PLEKHG4B: variants seen among roughly 807,000 people sequenced by gnomAD.
The protein encoded by PLEKHG4B is pleckstrin homology domain-containing family G member 4B.
PLEKHG4B carries 111 observed loss-of-function variants against 121.3 expected under a neutral mutation model. The ratio of observed to expected loss-of-function variants is 0.92; its 90% CI spans 0.78 to 1.07. The LOEUF (loss-of-function observed/expected upper bound fraction) is 1.07, where lower values mean the gene tolerates loss of function less well. Among genes scored for constraint, PLEKHG4B ranks in the 50% least tolerant of loss-of-function variants. The pLI, the probability that PLEKHG4B is intolerant of heterozygous loss-of-function variation, is 0.00. For synonymous variants in PLEKHG4B, 738 were observed against 725.0 expected (o/e 1.02, Z -0.29); for missense variants, 1,831 against 1,757.8 (o/e 1.04, Z -0.74).
At position 139,340 on chromosome 5, in the gene PLEKHG4B, A is replaced by G. The variant is rs6554683; in HGVS notation, c.244-143A>G. On this transcript the variant is annotated intron_variant, in intron 2 of 19. Coordinates refer to ENST00000637938, the MANE Select transcript of PLEKHG4B (RefSeq NM_052909.5). The surrounding 1 kb of genome is among the most constrained non-coding windows in gnomAD (Gnocchi z 5.0). ...TAATGACCTGCTTTATGTTCCAAGG[A>G]ACAGGACACCCCAGCCCCCGTGAGA... is the stretch of plus-strand genomic sequence containing the variant. 0.18 allele frequency: 70,364 copies of G among 397,870 alleles called. 11,124 individuals are homozygous for G. The highest frequency in any genetic ancestry group is 0.58 in the African/African-American group (28,049 of 48,664). The allele number at this position is 397,870 out of a possible 1,614,324, so 24.6% of individuals were successfully genotyped here. A position where few individuals can be genotyped will look rare whatever the true frequency, so the allele number is the denominator to read the frequency against.
intron 6 of PLEKHG4B, among the ~76,000 whole-genome samples, chr5:150,020 A>C (rs1391812795): frequency 6.6e-6 from 1 of 152,228 alleles, no homozygotes; most frequent in Admixed American, 6.5e-5. Context: ...GTCTGGGTAT[A>C]TACCCAAGAA....
At chr5:111,482 C>T (rs867644319) in intron 1 of PLEKHG4B, among the ~76,000 whole-genome samples, 26 of 152,290 alleles carry the variant, frequency 1.7e-4, no homozygotes, top group African/African-American at 5.8e-4. Flanking sequence ...GCGGTTGAGA[C>T]GGTGGCCCTG....
chr5:110,585 TCC>T (rs1734125673), intron 1 of PLEKHG4B, among the ~76,000 whole-genome samples: 1 of 90,808 alleles, frequency 1.1e-5, no homozygotes. Context: ...CGCGCACACA[TCC>T]ACACAATCTG....
rs1318116253 is a variant in PLEKHG4B, at chr5:155,076, G to A, written c.2109+85G>A. 4.2e-6 allele frequency: 5 copies of A among 1,183,082 alleles called. No individual in the cohort carries two copies. In the African/African-American group the frequency reaches 4.5e-5, roughly 11 times the overall value. The allele number at this position is 1,183,082 out of a possible 1,614,324, so 73.3% of individuals were successfully genotyped here. Reference sequence around the variant, plus strand: ...GTTGTTTTTACTAGAATTTGAAAAGGGCATCACCGTCCCTGATCTGATGCT... The same window carrying A: ...GTTGTTTTTACTAGAATTTGAAAAGAGCATCACCGTCCCTGATCTGATGCT... On this transcript the variant is annotated intron_variant, in intron 8 of 19. Coordinates refer to ENST00000637938, the MANE Select transcript of PLEKHG4B (RefSeq NM_052909.5).
rs914325270 is a variant in PLEKHG4B at position 161,882 on chromosome 5, C to G, written c.2587C>G (p.Gln863Glu). The G allele has an allele frequency of 7.4e-6, 12 of 1,613,638 alleles. No individual in the cohort carries two copies. In the South Asian group the frequency reaches 1.1e-4, roughly 15 times the overall value. ...FRRGLSAVVS[Q>E]AECREGELAR... Reference sequence around the variant, plus strand: ...AAGGGGCCTGAGCGCCGTGGTCAGCCAGGCTGAGTGCAGGGAGGGAGAGCT... The same window carrying G: ...AAGGGGCCTGAGCGCCGTGGTCAGCGAGGCTGAGTGCAGGGAGGGAGAGCT... Residue 863 changes from glutamine (Q) to glutamate (E), a missense_variant, in exon 12 of 20, where the codon CAG becomes GAG. By Grantham distance (29) the Gln-to-Glu change is conservative. Transcript: ENST00000637938.
chr5:102,616 C>G (rs1405651119), intron 1 of PLEKHG4B, among the ~76,000 whole-genome samples: 1 of 152,182 alleles, frequency 6.6e-6, no homozygotes, highest in African/African-American at 2.4e-5. Context: ...TTCCATGAGT[C>G]AAAGCTCCCT....
intron 1 of PLEKHG4B, among the ~76,000 whole-genome samples, chr5:98,402 C>T (rs1733689423): frequency 1.6e-5 from 2 of 128,610 alleles, no homozygotes; most frequent in South Asian, 2.9e-4. Context: ...CTTCTTTTGT[C>T]AGTACCACAT....
chr5:100,450 G>C (rs1733772859), intron 1 of PLEKHG4B, among the ~76,000 whole-genome samples: 1 of 116,924 alleles, frequency 8.6e-6, no homozygotes, highest in African/African-American at 3.8e-5. Context: ...CCTGGAAAAA[G>C]CCTGTAGGGG....
chr5:119,590 C>T (rs1435613914), intron 2 of PLEKHG4B, among the ~76,000 whole-genome samples: 2 of 152,170 alleles, frequency 1.3e-5, no homozygotes, highest in Non-Finnish European at 2.9e-5. Context: ...TACACAATTG[C>T]ATCGTCCTTC....
intron 16 of PLEKHG4B, among the ~76,000 whole-genome samples, chr5:172,613 T>C (rs1473314478): frequency 6.6e-6 from 1 of 152,218 alleles, no homozygotes; most frequent in Non-Finnish European, 1.5e-5. Context: ...GCTCACCCCC[T>C]GAGCAGGGCT....
intron 1 of PLEKHG4B, among the ~76,000 whole-genome samples, chr5:104,639 A>C (rs1352070839): frequency 6.6e-6 from 1 of 152,202 alleles, no homozygotes; most frequent in Non-Finnish European, 1.5e-5. Flanking sequence ...CGTACAGTAT[A>C]CAAGGTAATT....
chr5:159,798 G>C lies in PLEKHG4B; in HGVS notation c.2488-1985G>C, dbSNP rs979124560. Among the ~76,000 whole-genome samples the C allele has an allele frequency of 3.9e-5, 6 of 152,148 alleles. No homozygotes were observed. The highest frequency in any genetic ancestry group is 1.2e-4 in the African/African-American group (5 of 41,444). ...TGCCAGGGAACAGACCCTGGGCCCT[G>C]TGGAGCAGGGTGCCCAGCTCCTTCC... On this transcript the variant is annotated intron_variant, in intron 11 of 19. Transcript: ENST00000637938. The surrounding 1 kb of genome is among the most constrained non-coding windows in gnomAD (Gnocchi z 5.5).
In PLEKHG4B at chr5:140,665, G is replaced by A. The variant is rs1238705726; in HGVS notation, c.1426G>A (p.Gly476Arg). The A allele has an allele frequency of 1.6e-5, 25 of 1,605,808 alleles. No homozygotes were observed. Among genetic ancestry groups the A allele is most frequent in the Non-Finnish European group, 2.0e-5 (23 of 1,176,190 alleles). ...PGGHLGGQAV[G>R]TPNCVPVEGP... ...GGGCCACCTAGGAGGACAAGCTGTG[G>A]GGACCCCAAACTGTGTCCCAGTAGA... is the stretch of plus-strand genomic sequence containing the variant. Residue 476 changes from glycine to arginine, a missense_variant, in exon 3 of 20, where the codon GGG becomes AGG. By Grantham distance (125) the Gly-to-Arg change is moderately radical. Coordinates refer to ENST00000637938, the MANE Select transcript of PLEKHG4B (RefSeq NM_052909.5).
At chr5:164,072 C>G (rs919677411) in intron 13 of PLEKHG4B, among the ~76,000 whole-genome samples, 2 of 152,256 alleles carry the variant, frequency 1.3e-5, no homozygotes, top group Admixed American at 6.5e-5. Flanking sequence ...GAACCTCCAT[C>G]TTCCACCCAT....
rs1008242067 is a variant in PLEKHG4B at position 139,108 on chromosome 5, C to T, written c.244-375C>T. On this transcript the variant is annotated intron_variant, in intron 2 of 19. Transcript: ENST00000637938. This position sits in a 1 kb window ranked among gnomAD's most constrained non-coding sequence, Gnocchi z 5.0. ...TGGCCCTGACCAGGGCTGGCAGGGG[C>T]AAGTGTGGACGCCCGGCCCCTTGCC... Among the ~76,000 whole-genome samples, 10 of 152,176 alleles carry T rather than the reference C, an allele frequency of 6.6e-5. No individual in the cohort carries two copies. The highest frequency in any genetic ancestry group is 1.2e-4 in the Non-Finnish European group (8 of 68,032).
rs1044367851 is a variant in PLEKHG4B, at chr5:139,018, GC to G, written c.244-464del. On this transcript the variant is annotated intron_variant, in intron 2 of 19. Coordinates refer to ENST00000637938, the MANE Select transcript of PLEKHG4B (RefSeq NM_052909.5). This position sits in a 1 kb window ranked among gnomAD's most constrained non-coding sequence, Gnocchi z 5.0. ...ACCCCTCGCTAAGGAGGCCGAGGTA[GC>G]GCCTGCAGCAGCCGGGAGCCACAGG... is the stretch of plus-strand genomic sequence containing the variant. Among the ~76,000 whole-genome samples, 6 of 152,366 alleles carry G rather than the reference GC, an allele frequency of 3.9e-5. No homozygotes were observed. Among genetic ancestry groups the G allele is most frequent in the Admixed American group, 2.0e-4 (3 of 15,310 alleles).
intron 6 of PLEKHG4B, among the ~76,000 whole-genome samples, chr5:145,282 C>T (rs989700812): frequency 2.0e-4 from 30 of 152,240 alleles, no homozygotes; most frequent in African/African-American, 5.5e-4. Flanking sequence ...CAGCTGCCCC[C>T]GCTATGCCCC....
intron 1 of PLEKHG4B, among the ~76,000 whole-genome samples, chr5:110,869 AT>A (rs1207655809): frequency 2.0e-5 from 3 of 152,276 alleles, no homozygotes; most frequent in African/African-American, 7.2e-5. Context: ...ACGTTTGTAC[AT>A]TTGGCAGAAA....
intron 13 of PLEKHG4B, among the ~76,000 whole-genome samples, chr5:164,851 CAG>C (rs1315739825): frequency 0.041 from 4,023 of 99,172 alleles, 167 homozygotes; most frequent in African/African-American, 0.12. Context: ...AATGCTGTGA[CAG>C]GGGGCGGGGC....
Sources: gnomAD v4.1 joint callset for allele counts (sites outside exome capture counted in the v4.1 genomes callset) on GRCh38, gnomAD v4.1.1 for gene constraint, Gnocchi (gnomAD v3.1) non-coding constraint, MANE v1.5 for transcripts, NCBI Gene and HGNC (gene_info 2026-07-23, HGNC 2026-07-21) for gene names.